Variants in APOLD1 observed in about 807,000 individuals in gnomAD.
The protein encoded by APOLD1 is apolipoprotein L domain-containing protein 1.
Under a neutral mutation model 15.3 loss-of-function variants are expected in APOLD1, and 22 were observed. The observed-to-expected ratio is 1.44, with a 90% CI of 1.03 to 2.05. The LOEUF (loss-of-function observed/expected upper bound fraction) is 2.05, where lower values mean the gene tolerates loss of function less well. Among genes scored for constraint, APOLD1 ranks in the 30% most tolerant of loss-of-function variants. The pLI is 0.00. For missense variants in APOLD1, 394 were observed against 353.5 expected (o/e 1.11, Z -0.92); for synonymous variants, 190 against 167.4 (o/e 1.13, Z -1.04).
chr12:12,726,413 T>C, intron 1 of APOLD1: 2 of 415,284 alleles, frequency 4.8e-6, no homozygotes, highest in South Asian at 4.0e-5. Context: ...TACGTTAAGA[T>C]TTAGGATGAC....
At chr12:12,767,644 A>T (rs905343758) in intron 1 of APOLD1, among the ~76,000 whole-genome samples, 3 of 152,206 alleles carry the variant, frequency 2.0e-5, no homozygotes, top group Admixed American at 1.3e-4. Flanking sequence ...CTACAGAGGG[A>T]GACTATGTCT....
At chr12:12,727,099 T>C (rs936637024) in intron 1 of APOLD1, among the ~76,000 whole-genome samples, 6 of 152,228 alleles carry the variant, frequency 3.9e-5, no homozygotes, top group African/African-American at 1.4e-4. Flanking sequence ...ATTTCCAACC[T>C]TGGCATTTCT....
intron 1 of APOLD1, among the ~76,000 whole-genome samples, chr12:12,769,393 C>T (rs1334455245): frequency 1.3e-5 from 2 of 152,138 alleles, no homozygotes; most frequent in African/African-American, 4.8e-5. Flanking sequence ...AACTTAATTA[C>T]TGGAGCAGAA....
chr12:12,742,437 A>G (rs553580933), intron 1 of APOLD1, among the ~76,000 whole-genome samples: 10 of 152,254 alleles, frequency 6.6e-5, no homozygotes, highest in African/African-American at 2.2e-4. Flanking sequence ...CGATTCAGGC[A>G]TTTCTCAAAG....
At chr12:12,736,633 T>C (rs549560161) in intron 1 of APOLD1, among the ~76,000 whole-genome samples, 22 of 152,364 alleles carry the variant, frequency 1.4e-4, no homozygotes, top group Admixed American at 1.4e-3. Flanking sequence ...CTTAGTCTTA[T>C]GTTGGGGTTA....
intron 1 of APOLD1, among the ~76,000 whole-genome samples, chr12:12,756,487 C>T (rs972848009): frequency 3.3e-5 from 5 of 152,176 alleles, no homozygotes; most frequent in Non-Finnish European, 2.9e-5. Flanking sequence ...AATTCCCTTT[C>T]CTTCCTCTAT....
At chr12:12,775,923 G>T (rs1380149545) in intron 1 of APOLD1, among the ~76,000 whole-genome samples, 1 of 141,082 alleles carries the variant, frequency 7.1e-6, no homozygotes, top group Non-Finnish European at 1.5e-5. Context: ...AGGATTGCTT[G>T]AGCCTAGGAG....
intron 1 of APOLD1, among the ~76,000 whole-genome samples, chr12:12,744,942 GCCTACCTGGATC>G (rs1946754595): frequency 6.6e-6 from 1 of 152,090 alleles, no homozygotes; most frequent in Admixed American, 6.6e-5. Context: ...ATGAACTTGT[GCCTACCTGGATC>G]CCATACTTGC....
chr12:12,727,816 T>G (rs994777789), intron 1 of APOLD1, among the ~76,000 whole-genome samples: 1 of 151,254 alleles, frequency 6.6e-6, no homozygotes, highest in Non-Finnish European at 1.5e-5. Flanking sequence ...CCCAGGCTGG[T>G]CTTGAACTTC....
chr12:12,731,880 C>T (rs1453381322), intron 1 of APOLD1, among the ~76,000 whole-genome samples: 3 of 152,196 alleles, frequency 2.0e-5, no homozygotes, highest in East Asian at 1.9e-4. Flanking sequence ...AAGCCACGAC[C>T]GTCTTTCAGG....
chr12:12,783,196 A>G (rs992763368), upstream of APOLD1, among the ~76,000 whole-genome samples: 3 of 152,132 alleles, frequency 2.0e-5, no homozygotes, highest in Admixed American at 1.3e-4. Context: ...ACAGACTGAG[A>G]CGCCGTCTCA....
At chr12:12,745,523 G>T (rs992269888) in intron 1 of APOLD1, among the ~76,000 whole-genome samples, 15 of 152,058 alleles carry the variant, frequency 9.9e-5, no homozygotes, top group African/African-American at 3.6e-4. Flanking sequence ...GAGCGAGACT[G>T]TCTCAGAAAA....
At chr12:12,760,927 G>T (rs1054351546) in intron 1 of APOLD1, among the ~76,000 whole-genome samples, 5 of 152,204 alleles carry the variant, frequency 3.3e-5, no homozygotes, top group Admixed American at 1.3e-4. Flanking sequence ...TGGAAAGTTA[G>T]ATCATTTAAA....
chr12:12,787,224 C>A lies in APOLD1; in HGVS notation c.319C>A (p.Leu107Ile), dbSNP rs1217587094. The A allele has an allele frequency of 1.3e-6, 2 of 1,565,954 alleles. No individual in the cohort carries two copies. ...AGGGGCCGTCACCATCACGTCCGAT[C>A]TCTCGCTGATCTTCTGCAACTCCCG... ...AGGAVTITSD[L>I]SLIFCNSREL... The change falls in exon 2 of 2, where the codon CTC (leucine) becomes ATC (isoleucine). Residue 107 changes from leucine to isoleucine, a missense_variant. Leu to Ile is a conservative substitution (Grantham distance 5, BLOSUM62 2). Transcript: ENST00000356591. This position sits in a 1 kb window ranked among gnomAD's most constrained non-coding sequence, Gnocchi z 4.9.
Position 12,787,542 on chromosome 12 carries a change from C to T in APOLD1, c.637C>T (p.Leu213=). 6.2e-7 allele frequency: 1 copy of T among 1,613,864 alleles called. No homozygotes were observed. Among genetic ancestry groups the T allele is most frequent in the South Asian group, 1.1e-5 (1 of 91,088 alleles). Residue 213 remains leucine, a synonymous_variant, in exon 2 of 2, where the codon CTG becomes TTG. Transcript: ENST00000356591. The surrounding 1 kb of genome is among the most constrained non-coding windows in gnomAD (Gnocchi z 4.9). ...AESLESCTGA[L]DELSEQLESR... Reference sequence around the variant, plus strand: ...GAGCCTGGAGTCCTGCACCGGGGCTCTGGACGAACTCAGCGAGCAGCTGGA... The same window carrying T: ...GAGCCTGGAGTCCTGCACCGGGGCTTTGGACGAACTCAGCGAGCAGCTGGA...
At chr12:12,726,322 A>G (rs1452547350) in intron 1 of APOLD1, 4 of 638,126 alleles carry the variant, frequency 6.3e-6, no homozygotes, top group Admixed American at 4.6e-5. Context: ...GGAATATGTT[A>G]AAACAAACTC....
chr12:12,746,589 T>C (rs1023294948), intron 1 of APOLD1, among the ~76,000 whole-genome samples: 2 of 152,330 alleles, frequency 1.3e-5, no homozygotes, highest in East Asian at 1.9e-4. Context: ...CTCTGATGTC[T>C]TCATAAAGAA....
At chr12:12,779,215 T>C (rs1947061094) in intron 1 of APOLD1, among the ~76,000 whole-genome samples, 1 of 152,178 alleles carries the variant, frequency 6.6e-6, no homozygotes, top group Non-Finnish European at 1.5e-5. Flanking sequence ...CCTGGGCATG[T>C]ATTTGCCCTG....
At chr12:12,778,466 C>T (rs1032084090) in intron 1 of APOLD1, among the ~76,000 whole-genome samples, 25 of 151,198 alleles carry the variant, frequency 1.7e-4, no homozygotes, top group Non-Finnish European at 5.9e-5. Flanking sequence ...ACTACAGGTG[C>T]ACACCTCCTC....
Sources: allele counts gnomAD v4.1 joint callset (sites outside exome capture counted in the v4.1 genomes callset), GRCh38; gene constraint gnomAD v4.1.1; non-coding constraint Gnocchi (gnomAD v3.1); transcripts MANE v1.5; gene names NCBI Gene and HGNC (gene_info 2026-07-23, HGNC 2026-07-21).